The following KMT5B variants were observed in gnomAD, a reference collection of about 807,000 sequenced individuals.
KMT5B encodes lysine methyltransferase 5B.
Under a neutral mutation model 83.2 loss-of-function variants are expected in KMT5B, and 10 were observed. The ratio of observed to expected loss-of-function variants is 0.12; its 90% CI spans 0.07 to 0.20. KMT5B has a LOEUF of 0.20. Among genes scored for constraint, KMT5B ranks in the 10% least tolerant of loss-of-function variants. The pLI is 1.00. For synonymous variants in KMT5B, 349 were observed against 388.8 expected (o/e 0.90, Z 1.20); for missense variants, 753 against 1,067.2 (o/e 0.71, Z 4.10).
chr11:68,188,299 C>T (rs1014082586), intron 2 of KMT5B, among the ~76,000 whole-genome samples: 1 of 151,972 alleles, frequency 6.6e-6, no homozygotes, highest in African/African-American at 2.4e-5. Flanking sequence ...GCTGGGATTA[C>T]AGGCGTGAGC....
chr11:68,196,472 G>A (rs1163161702), intron 1 of KMT5B, among the ~76,000 whole-genome samples: 1 of 147,260 alleles, frequency 6.8e-6, no homozygotes, highest in Non-Finnish European at 1.5e-5. Context: ...ATCTAGTATA[G>A]CACACAGTAC....
intron 1 of KMT5B, among the ~76,000 whole-genome samples, chr11:68,210,210 G>GC (rs746825808): frequency 6.6e-6 from 1 of 151,874 alleles, no homozygotes; most frequent in Non-Finnish European, 1.5e-5. Context: ...AATGCAACTG[G>GC]CATTGTAGGA....
At chr11:68,170,783 G>A (rs148314413) in intron 9 of KMT5B, among the ~76,000 whole-genome samples, 228 of 152,186 alleles carry the variant, frequency 1.5e-3, no homozygotes, top group African/African-American at 5.2e-3. Context: ...ACTCTTAGCT[G>A]GTAATATTAA....
rs1443207275 is a variant in KMT5B, at chr11:68,158,962, C to T, written c.1384G>A (p.Glu462Lys). Residue 462 changes from glutamate (E) to lysine (K), a missense_variant, in exon 11 of 11, where the codon GAG becomes AAG. Physicochemically the swap from Glu to Lys is moderately conservative, Grantham distance 56. Coordinates refer to ENST00000304363, the MANE Select transcript of KMT5B (RefSeq NM_017635.5). ...AGTTTTCTTGAAGCATTCTTTTGCT[C>T]CAGCCGCTTGCAATGATTTCTCAAT... Reference protein sequence around the residue: ...IKLRNHCKRLEQKNASRKLEM... With the variant: ...IKLRNHCKRLKQKNASRKLEM... The T allele has an allele frequency of 8.1e-6, 13 of 1,612,798 alleles. No individual in the cohort carries two copies. Among genetic ancestry groups the T allele is most frequent in the Non-Finnish European group, 1.1e-5 (13 of 1,179,840 alleles).
intron 2 of KMT5B, among the ~76,000 whole-genome samples, chr11:68,187,171 A>ATT (rs1342275685): frequency 1.3e-5 from 2 of 151,428 alleles, no homozygotes; most frequent in East Asian, 3.9e-4. Flanking sequence ...TAATTTTTGT[A>ATT]TTTTTTTGTA....
chr11:68,192,647 C>T (rs1218404512), intron 1 of KMT5B, among the ~76,000 whole-genome samples: 1 of 152,170 alleles, frequency 6.6e-6, no homozygotes, highest in Non-Finnish European at 1.5e-5. Flanking sequence ...TAGGAAAAGG[C>T]ATCTATACTA....
chr11:68,175,914 G>GTT lies in KMT5B; in HGVS notation c.378-733_378-732dup, dbSNP rs397848049. On this transcript the variant is annotated intron_variant, in intron 4 of 10. Coordinates refer to ENST00000304363, the MANE Select transcript of KMT5B (RefSeq NM_017635.5). ...GTAGGAAAACTGATGGGGTAGAGTT[G>GTT]TTTTTTTTTTTTTTTTTTGAGATGG... Among the ~76,000 whole-genome samples, 56 of 126,354 alleles carry GTT rather than the reference G, an allele frequency of 4.4e-4. 1 individual carries two copies. The highest frequency in any genetic ancestry group is 1.3e-3 in the South Asian group (5 of 3,854). The allele number at this position is 126,354 out of a possible 152,430, so 82.9% of individuals were successfully genotyped here.
At chr11:68,203,269 C>T (rs1047686302) in intron 1 of KMT5B, among the ~76,000 whole-genome samples, 8 of 152,216 alleles carry the variant, frequency 5.3e-5, no homozygotes, top group Admixed American at 3.9e-4. Flanking sequence ...GCACCGCACC[C>T]GGCCCCATAC....
At chr11:68,212,738 C>CAAAACA (rs780981233) in intron 1 of KMT5B, 1 of 152,058 alleles carries the variant, frequency 6.6e-6, no homozygotes, top group Non-Finnish European at 1.5e-5. Context: ...GCGCTCGGGC[C>CAAAACA]AAAACAAAAA....
At chr11:68,168,484 C>T (rs913002228) in intron 9 of KMT5B, among the ~76,000 whole-genome samples, 1 of 151,978 alleles carries the variant, frequency 6.6e-6, no homozygotes, top group African/African-American at 2.4e-5. Context: ...TATAGGCGCG[C>T]ACCACCACAT....
At chr11:68,207,903 G>C (rs1017672264) in intron 1 of KMT5B, among the ~76,000 whole-genome samples, 4 of 150,264 alleles carry the variant, frequency 2.7e-5, no homozygotes, top group Admixed American at 2.6e-4. Context: ...GCAGTGGCAC[G>C]ATCTCTGCTC....
intron 6 of KMT5B, among the ~76,000 whole-genome samples, chr11:68,173,096 A>G (rs1227099707): frequency 6.6e-6 from 1 of 152,178 alleles, no homozygotes; most frequent in Non-Finnish European, 1.5e-5. Context: ...GCTGGAGTGC[A>G]GTGGCGCGAT....
intron 1 of KMT5B, among the ~76,000 whole-genome samples, chr11:68,193,776 G>C (rs1858371255): frequency 6.6e-6 from 1 of 151,406 alleles, no homozygotes; most frequent in Non-Finnish European, 1.5e-5. Flanking sequence ...TAGGAGAAAA[G>C]GCATAGAATT....
chr11:68,170,954 T>C, intron 9 of KMT5B, 61 bp downstream of exon 9: 1 of 1,484,776 alleles, frequency 6.7e-7, no homozygotes, highest in Non-Finnish European at 9.0e-7. Flanking sequence ...GTGAGTTTAA[T>C]CCCCATAATC....
At chr11:68,169,292 G>C (rs1328461171) in intron 9 of KMT5B, among the ~76,000 whole-genome samples, 1 of 152,180 alleles carries the variant, frequency 6.6e-6, no homozygotes, top group East Asian at 1.9e-4. Context: ...TTTCGGTGTT[G>C]GTTTGGAATC....
chr11:68,179,070 G>A (rs1856660027), intron 4 of KMT5B, among the ~76,000 whole-genome samples: 1 of 152,184 alleles, frequency 6.6e-6, no homozygotes, highest in African/African-American at 2.4e-5. Context: ...CCTGGCTCAG[G>A]AGAGCCTTCC....
At chr11:68,159,253 C>CCTGTT in intron 10 of KMT5B, 82 bp from the exon 11 acceptor site, 1 of 1,488,820 alleles carries the variant, frequency 6.7e-7, no homozygotes, top group Non-Finnish European at 8.8e-7. Context: ...AGGCTATTAG[C>CCTGTT]TACAGCACGT....
chr11:68,204,612 T>A, intron 1 of KMT5B, among the ~76,000 whole-genome samples: 1 of 29,660 alleles, frequency 3.4e-5, no homozygotes, highest in Non-Finnish European at 6.0e-5. Context: ...AAATTTCCGG[T>A]TTTTTTTTTT....
intron 1 of KMT5B, among the ~76,000 whole-genome samples, chr11:68,211,429 A>C (rs1368441932): frequency 6.6e-6 from 1 of 152,366 alleles, no homozygotes; most frequent in East Asian, 1.9e-4. Flanking sequence ...AATATCTACC[A>C]TATTCCCTTC....
Sources: gnomAD v4.1 joint callset for allele counts (sites outside exome capture counted in the v4.1 genomes callset) on GRCh38, gnomAD v4.1.1 for gene constraint, MANE v1.5 for transcripts, NCBI Gene and HGNC (gene_info 2026-07-23, HGNC 2026-07-21) for gene names.